The following NEK11 variants were observed in gnomAD, a reference collection of about 807,000 sequenced individuals.
NEK11 encodes the protein NIMA related kinase 11, also known as serine/threonine-protein kinase Nek11.
NEK11 carries 72 observed loss-of-function variants against 80.7 expected under a neutral mutation model. The observed-to-expected ratio is 0.89, with a 90% CI of 0.74 to 1.08. The LOEUF (loss-of-function observed/expected upper bound fraction) is 1.08, where lower values mean the gene tolerates loss of function less well. NEK11 is among the 50% of genes least tolerant of loss of function. The pLI, the probability that NEK11 is intolerant of heterozygous loss-of-function variation, is 0.00. For synonymous variants in NEK11, 251 were observed against 260.7 expected, an observed-to-expected ratio of 0.96 and a Z score of 0.36; for missense variants, 764 against 763.6, an observed-to-expected ratio of 1.00 and a Z score of -0.01.
chr3:131,332,142 G>C (rs1251283410), intron 17 of NEK11, among the ~76,000 whole-genome samples: 1 of 152,218 alleles, frequency 6.6e-6, no homozygotes, highest in East Asian at 1.9e-4. Context: ...CTGGAGATCT[G>C]AGAACGGGCA....
In NEK11 at chr3:131,170,858, A is replaced by T. The variant is rs2092640459; in HGVS notation, c.1370A>T (p.Glu457Val). The change falls in exon 14 of 18, where the codon GAG becomes GTG. Residue 457 changes from glutamate to valine, a missense_variant. Physicochemically the swap from Glu to Val is moderately radical, Grantham distance 121 (BLOSUM62 -2). Transcript: ENST00000383366. ...CTCCACGAACTTGAATCAATTGTAG[A>T]GGATGCCACATCTGACCTTGGATAC... ...MDLHELESIV[E>V]DATSDLGYHE... 1 of 1,613,562 alleles carries T rather than the reference A, an allele frequency of 6.2e-7. No homozygotes were observed. The highest frequency in any genetic ancestry group is 2.2e-5 in the East Asian group (1 of 44,876).
intron 16 of NEK11, among the ~76,000 whole-genome samples, chr3:131,252,308 T>G (rs559507453): frequency 1.3e-5 from 2 of 152,260 alleles, no homozygotes; most frequent in African/African-American, 4.8e-5. Context: ...TGTCAAGATA[T>G]GTATGTATCT....
chr3:131,125,506 A>G (rs2083164520), intron 5 of NEK11, among the ~76,000 whole-genome samples: 1 of 152,156 alleles, frequency 6.6e-6, no homozygotes, highest in Non-Finnish European at 1.5e-5. Context: ...ATTGGTAATT[A>G]TTTACAATTA....
chr3:131,330,995 C>G (rs2110044166), intron 17 of NEK11: 1 of 151,974 alleles, frequency 6.6e-6, no homozygotes, highest in Non-Finnish European at 1.5e-5. Flanking sequence ...CCCATAATAA[C>G]AGCATTAATC....
At chr3:131,281,903 A>T (rs765557177) in intron 17 of NEK11, among the ~76,000 whole-genome samples, 4 of 151,950 alleles carry the variant, frequency 2.6e-5, no homozygotes, top group Non-Finnish European at 5.9e-5. Context: ...GGAATTTAGG[A>T]AGCTATATTT....
intron 5 of NEK11, among the ~76,000 whole-genome samples, chr3:131,111,004 T>A (rs1384762707): frequency 6.6e-6 from 1 of 152,204 alleles, no homozygotes; most frequent in Admixed American, 6.5e-5. Context: ...CTACTGACTG[T>A]AAAACTTCTG....
intron 12 of NEK11, among the ~76,000 whole-genome samples, chr3:131,168,388 G>A (rs1160169311): frequency 6.9e-6 from 1 of 144,174 alleles, no homozygotes; most frequent in Non-Finnish European, 1.5e-5. Flanking sequence ...ACGGAGTCTC[G>A]CTCTGTCGCC....
At chr3:131,292,751 GTTC>G (rs1293334160) in intron 17 of NEK11, among the ~76,000 whole-genome samples, 6 of 152,048 alleles carry the variant, frequency 3.9e-5, no homozygotes, top group African/African-American at 1.2e-4. Flanking sequence ...CATTTTTTTA[GTTC>G]TTCTTTGATT....
At position 131,273,571 on chromosome 3, in the gene NEK11, G is replaced by A. The variant is rs1431872372; in HGVS notation, c.1715G>A (p.Arg572Lys). 3 of 1,612,390 alleles carry A rather than the reference G, an allele frequency of 1.9e-6. No individual in the cohort carries two copies. The highest frequency in any genetic ancestry group is 2.5e-6 in the Non-Finnish European group (3 of 1,178,632). Residue 572 changes from arginine to lysine, a missense_variant, in exon 17 of 18, where the codon AGG (arginine) becomes AAG (lysine). Physicochemically the swap from Arg to Lys is conservative, Grantham distance 26. Coordinates refer to ENST00000383366, the MANE Select transcript of NEK11 (RefSeq NM_024800.5). ...VMARTKMKRM[R>K]ESAMQKLGTE... Reference sequence around the variant, plus strand: ...GCCAGGACCAAGATGAAACGCATGAGGGAGTAAGTAGCATGTTGCCTGCCC... The same window carrying A: ...GCCAGGACCAAGATGAAACGCATGAAGGAGTAAGTAGCATGTTGCCTGCCC...
At chr3:131,144,562 T>A (rs143687687) in intron 7 of NEK11, among the ~76,000 whole-genome samples, 35 of 152,308 alleles carry the variant, frequency 2.3e-4, no homozygotes, top group African/African-American at 7.5e-4. Context: ...CCATATGTAT[T>A]TTGGTTACCT....
At chr3:131,066,391 CT>C (rs376679716) in intron 3 of NEK11, among the ~76,000 whole-genome samples, 1 of 151,914 alleles carries the variant, frequency 6.6e-6, no homozygotes. Flanking sequence ...GCACCTCTCC[CT>C]TTTTTTTCCG....
At chr3:131,128,810 G>A (rs961951645) in intron 5 of NEK11, among the ~76,000 whole-genome samples, 1 of 152,162 alleles carries the variant, frequency 6.6e-6, no homozygotes, top group African/African-American at 2.4e-5. Context: ...ACATCCTTGT[G>A]AGCATTTGGT....
chr3:131,152,759 C>A, intron 9 of NEK11, 50 bp downstream of exon 9: 1 of 1,265,426 alleles, frequency 7.9e-7, no homozygotes, highest in Non-Finnish European at 1.1e-6. Flanking sequence ...CATTTGTATA[C>A]ACATTCCATG....
chr3:131,348,020 A>G (rs1057231469), intron 17 of NEK11, among the ~76,000 whole-genome samples: 1 of 152,172 alleles, frequency 6.6e-6, no homozygotes, highest in African/African-American at 2.4e-5. Context: ...ATATTTATAC[A>G]CTTTGACCTA....
chr3:131,065,667 A>G (rs541121403), intron 3 of NEK11, among the ~76,000 whole-genome samples: 15 of 152,272 alleles, frequency 9.9e-5, no homozygotes, highest in Admixed American at 7.2e-4. Context: ...CTGTTAAGTC[A>G]GGTGTCACTC....
At chr3:131,272,404 A>G (rs1266317198) in intron 16 of NEK11, among the ~76,000 whole-genome samples, 1 of 149,294 alleles carries the variant, frequency 6.7e-6, no homozygotes. Flanking sequence ...ATAGGGCCAA[A>G]TTGTAAATTC....
Position 131,080,444 on chromosome 3 carries a change from T to C in NEK11, c.192T>C (p.Ser64=). Residue 64 remains serine (S), a synonymous_variant, in exon 4 of 18, where the codon TCT becomes TCC. Transcript: ENST00000383366. ...GEELKVLKEI[S]VGELNPNETV... Reference sequence around the variant, plus strand: ...TCAGAAAGGTACTTAAGGAAATATCTGTTGGAGAACTAAATCCAAATGAAA... The same window carrying C: ...TCAGAAAGGTACTTAAGGAAATATCCGTTGGAGAACTAAATCCAAATGAAA... 6.2e-7 allele frequency: 1 copy of C among 1,605,176 alleles called. No individual in the cohort carries two copies.
In NEK11 at chr3:131,203,767, GTATATATATATATATATATATATATATA is replaced by G. The variant is rs150951735; in HGVS notation, c.1400-24728_1400-24701del. 3.6e-3 allele frequency among the ~76,000 whole-genome samples: 195 copies of G among 54,214 alleles called. 5 individuals are homozygous for G. The highest frequency in any genetic ancestry group is 0.019 in the Middle Eastern group (1 of 52). 35.6% of individuals were successfully genotyped at this position (54,214 alleles called of 152,430 possible). On this transcript the variant is annotated intron_variant, in intron 14 of 17. Transcript: ENST00000383366. ...TATATATGTGTGTGTGTGTGTGTGT[GTATATATATATATATATATATATATATA>G]TATATATATATATATATATATATAT...
chr3:131,106,927 C>G (rs1287668790), intron 4 of NEK11, among the ~76,000 whole-genome samples: 1 of 151,844 alleles, frequency 6.6e-6, no homozygotes, highest in Non-Finnish European at 1.5e-5. Flanking sequence ...TTTTTCTGGC[C>G]CATGGAACAA....
Sources: allele counts gnomAD v4.1 joint callset (sites outside exome capture counted in the v4.1 genomes callset), GRCh38; gene constraint gnomAD v4.1.1; transcripts MANE v1.5; gene names NCBI Gene and HGNC (gene_info 2026-07-23, HGNC 2026-07-21).